Variants in CDH19 observed in about 807,000 individuals in gnomAD.
The protein encoded by CDH19 is cadherin-19.
A neutral mutation model predicts 64.2 loss-of-function variants in CDH19; 67 were observed. That is an observed-to-expected ratio of 1.04 (90% confidence interval 0.86 to 1.28). The LOEUF (loss-of-function observed/expected upper bound fraction) is 1.28. CDH19 is among the 50% of genes most tolerant of loss of function. The probability of loss-of-function intolerance (pLI) is 0.00; values close to 1 mark genes in which losing one functional copy is unlikely to be tolerated. For synonymous variants in CDH19, 346 were observed against 319.3 expected (o/e 1.08, Z -0.89); for missense variants, 1,030 against 929.0 (o/e 1.11, Z -1.41).
intron 1 of CDH19, among the ~76,000 whole-genome samples, chr18:66,597,902 G>A (rs118006598): frequency 0.042 from 6,409 of 152,134 alleles, 183 homozygotes; most frequent in Non-Finnish European, 0.067. Flanking sequence ...TGGGGTGGGA[G>A]GAAGGGGGAA....
At chr18:66,532,066 AAGCGATTCTCC>A (rs1356132155) in intron 8 of CDH19, among the ~76,000 whole-genome samples, 14 of 152,070 alleles carry the variant, frequency 9.2e-5, no homozygotes, top group African/African-American at 2.4e-4. Flanking sequence ...TCCTAGGCTC[AAGCGATTCTCC>A]TGCCTCAGCC....
chr18:66,579,688 C>T (rs1988369034), intron 1 of CDH19, among the ~76,000 whole-genome samples: 1 of 151,852 alleles, frequency 6.6e-6, no homozygotes, highest in Non-Finnish European at 1.5e-5. Context: ...AAAATGTGGG[C>T]ATTGTTTGGG....
intron 7 of CDH19, among the ~76,000 whole-genome samples, chr18:66,535,774 A>G (rs1325684967): frequency 1.4e-5 from 2 of 146,244 alleles, no homozygotes; most frequent in East Asian, 3.9e-4. Context: ...TATGTAATAC[A>G]TAATACATAT....
intron 11 of CDH19, among the ~76,000 whole-genome samples, chr18:66,508,462 G>A (rs115767533): frequency 0.012 from 1,834 of 151,610 alleles, 33 homozygotes; most frequent in African/African-American, 0.041. Flanking sequence ...ATAACAATGT[G>A]TTGTGGTCAT....
At position 66,568,643 on chromosome 18, in the gene CDH19, C is replaced by G. The variant is rs1351995752; in HGVS notation, c.263G>C (p.Ser88Thr). Residue 88 changes from serine (S) to threonine (T), a missense_variant, in exon 3 of 12, where the codon AGT (serine) becomes ACT (threonine). By Grantham distance (58) the Ser-to-Thr change is moderately conservative (BLOSUM62 1). Transcript: ENST00000262150. Reference sequence around the variant, plus strand: ...TGTTCTTTCATCAATGATAAAAGTACTTCCAGCTCCAGCTCCCAAAAGCTT... The same window carrying G: ...TGTTCTTTCATCAATGATAAAAGTAGTTCCAGCTCCAGCTCCCAAAAGCTT... ...QYKLLGAGAG[S>T]TFIIDERTGD... The G allele has an allele frequency of 6.2e-7, 1 of 1,611,462 alleles. No homozygotes were observed. Among genetic ancestry groups the G allele is most frequent in the South Asian group, 1.1e-5 (1 of 91,014 alleles).
intron 1 of CDH19, among the ~76,000 whole-genome samples, chr18:66,579,241 G>A (rs1336251465): frequency 1.3e-5 from 2 of 151,942 alleles, no homozygotes; most frequent in African/African-American, 2.4e-5. Flanking sequence ...TGTTTCTGAT[G>A]TGTTATGATA....
intron 11 of CDH19, among the ~76,000 whole-genome samples, chr18:66,508,673 CATT>C (rs1485298808): frequency 6.6e-6 from 1 of 151,782 alleles, no homozygotes; most frequent in Non-Finnish European, 1.5e-5. Context: ...AGAAGCTCGC[CATT>C]ATTATCACTA....
chr18:66,602,100 A>T (rs1452373098), intron 1 of CDH19, among the ~76,000 whole-genome samples: 1 of 152,002 alleles, frequency 6.6e-6, no homozygotes, highest in Non-Finnish European at 1.5e-5. Context: ...ATTCACCAGC[A>T]TGGTTCTCAA....
intron 4 of CDH19, 70 bp from the exon 5 acceptor site, chr18:66,551,328 C>T (rs1987336396): frequency 1.1e-5 from 9 of 856,628 alleles, no homozygotes; most frequent in Admixed American, 7.9e-5. Flanking sequence ...AATTTCTTAA[C>T]CATTGCAGTA....
chr18:66,544,863 C>G lies in CDH19; in HGVS notation c.816G>C (p.Gly272=), dbSNP rs1307753133. Residue 272 remains glycine (G), a synonymous_variant, in exon 6 of 12, where the codon GGG becomes GGC. Transcript: ENST00000262150. ...ATGCCATGATTGTTCCTATAGAAGTCCCAGTGGGTGCAGATTCAGAGACAG... is the reference window on the plus strand; with the variant it reads ...ATGCCATGATTGTTCCTATAGAAGTGCCAGTGGGTGCAGATTCAGAGACAG... ...RLTVSESAPT[G]TSIGTIMAYD... is the part of the protein sequence containing the mutation. The G allele has an allele frequency of 6.2e-7, 1 of 1,611,692 alleles. No homozygotes were observed. The highest frequency in any genetic ancestry group is 8.5e-7 in the Non-Finnish European group (1 of 1,178,922).
intron 9 of CDH19, among the ~76,000 whole-genome samples, chr18:66,524,569 T>TATATATATATATATAA (rs1276593665): frequency 0.057 from 7,624 of 134,278 alleles, 385 homozygotes; most frequent in Non-Finnish European, 0.08. Context: ...TATATATATA[T>TATATATATATATATAA]AAACATCATC....
chr18:66,588,634 A>T (rs1451288691), intron 1 of CDH19, among the ~76,000 whole-genome samples: 1 of 143,124 alleles, frequency 7.0e-6, no homozygotes, highest in Non-Finnish European at 1.6e-5. Context: ...ATCTATATAT[A>T]TATAGATACA....
chr18:66,591,615 G>A (rs1988748961), intron 1 of CDH19, among the ~76,000 whole-genome samples: 2 of 151,852 alleles, frequency 1.3e-5, no homozygotes, highest in African/African-American at 2.4e-5. Flanking sequence ...TAATTTAGCA[G>A]AAGGTTAAAA....
chr18:66,518,784 C>G (rs897403593), intron 9 of CDH19, among the ~76,000 whole-genome samples: 2 of 152,134 alleles, frequency 1.3e-5, no homozygotes, highest in East Asian at 3.8e-4. Flanking sequence ...GTGACATAGT[C>G]TCAGTATTAT....
intron 1 of CDH19, among the ~76,000 whole-genome samples, chr18:66,572,902 A>G (rs939218587): frequency 2.0e-5 from 3 of 151,732 alleles, no homozygotes; most frequent in African/African-American, 7.2e-5. Context: ...TTTAATTTCA[A>G]AGATATGGGG....
At chr18:66,598,303 A>G (rs983535491) in intron 1 of CDH19, among the ~76,000 whole-genome samples, 1 of 152,144 alleles carries the variant, frequency 6.6e-6, no homozygotes, top group African/African-American at 2.4e-5. Context: ...TTATATCACT[A>G]CCATTCAACT....
At chr18:66,506,755 AT>A (rs1324443998) in intron 11 of CDH19, among the ~76,000 whole-genome samples, 1 of 151,900 alleles carries the variant, frequency 6.6e-6, no homozygotes, top group African/African-American at 2.4e-5. Flanking sequence ...GCTGTTCAGA[AT>A]TTCACATGTA....
intron 8 of CDH19, among the ~76,000 whole-genome samples, chr18:66,530,368 A>G (rs1441375395): frequency 1.3e-5 from 2 of 152,148 alleles, no homozygotes; most frequent in Non-Finnish European, 2.9e-5. Context: ...TAAAAAATTG[A>G]TAAACCATTT....
At chr18:66,594,912 G>C (rs1239202018) in intron 1 of CDH19, among the ~76,000 whole-genome samples, 2 of 150,420 alleles carry the variant, frequency 1.3e-5, no homozygotes, top group African/African-American at 2.4e-5. Flanking sequence ...GCTAGATAAC[G>C]AGTTAGTGGG....
Sources: allele counts gnomAD v4.1 joint callset (sites outside exome capture counted in the v4.1 genomes callset), GRCh38; gene constraint gnomAD v4.1.1; transcripts MANE v1.5; gene names NCBI Gene and HGNC (gene_info 2026-07-23, HGNC 2026-07-21).